COLEC10: variants seen among roughly 807,000 people sequenced by gnomAD.
COLEC10 encodes the protein collectin subfamily member 10.
In COLEC10, 22 loss-of-function variants were observed where a neutral mutation model predicts 28.4. The observed-to-expected ratio is 0.78, with a 90% CI of 0.55 to 1.11. The LOEUF is 1.11. Among genes scored for constraint, COLEC10 ranks in the 50% least tolerant of loss-of-function variants. COLEC10 has a pLI of 0.00. For missense variants in COLEC10, 361 were observed against 344.1 expected, an observed-to-expected ratio of 1.05 and a Z score of -0.39; for synonymous variants, 125 against 116.1, an observed-to-expected ratio of 1.08 and a Z score of -0.49.
chr8:119,100,662 C>G (rs1815808106), intron 3 of COLEC10, among the ~76,000 whole-genome samples: 2 of 152,170 alleles, frequency 1.3e-5, no homozygotes, highest in South Asian at 4.1e-4. Context: ...CTAAACTTTC[C>G]TTTACCCTTC....
chr8:119,064,756 A>T (rs1814922038), upstream of COLEC10, among the ~76,000 whole-genome samples: 1 of 152,170 alleles, frequency 6.6e-6, no homozygotes, highest in Non-Finnish European at 1.5e-5. Context: ...TGGAAACCAA[A>T]TAGTATTTTA....
intron 2 of COLEC10, among the ~76,000 whole-genome samples, chr8:119,053,333 T>G (rs1055425898): frequency 1.3e-5 from 2 of 152,070 alleles, no homozygotes; most frequent in Non-Finnish European, 2.9e-5. Context: ...CTCAGCAATC[T>G]TAGTAAGGGC....
the COLEC10 span, among the ~76,000 whole-genome samples, chr8:118,964,315 A>T: frequency 6.6e-6 from 1 of 152,170 alleles, no homozygotes; most frequent in South Asian, 2.1e-4. Context: ...CAAGATTACA[A>T]ATATATCGAT....
At chr8:119,002,229 T>C (rs1009302142) in intron 1 of COLEC10, among the ~76,000 whole-genome samples, 18 of 152,164 alleles carry the variant, frequency 1.2e-4, no homozygotes, top group African/African-American at 4.3e-4. Context: ...AACTTTCATT[T>C]AAAATATGCT....
At chr8:118,985,394 T>G in the COLEC10 span, among the ~76,000 whole-genome samples, 2 of 152,088 alleles carry the variant, frequency 1.3e-5, no homozygotes, top group African/African-American at 4.8e-5. Flanking sequence ...TCTGAGAAAT[T>G]TCATAATTTT....
chr8:118,988,793 G>T, the COLEC10 span, among the ~76,000 whole-genome samples: 9 of 152,248 alleles, frequency 5.9e-5, no homozygotes, highest in Middle Eastern at 3.4e-3. Flanking sequence ...AACTCTAGAG[G>T]AATTAGAAAC....
chr8:118,989,353 A>T, the COLEC10 span, among the ~76,000 whole-genome samples: 1 of 152,132 alleles, frequency 6.6e-6, no homozygotes, highest in Admixed American at 6.6e-5. Context: ...AATCCAAACT[A>T]TGTGACAATA....
chr8:119,038,037 T>G (rs1186666169), intron 2 of COLEC10, among the ~76,000 whole-genome samples: 1 of 152,242 alleles, frequency 6.6e-6, no homozygotes, highest in East Asian at 1.9e-4. Context: ...AGTTCAACAT[T>G]CTTCTTTCCT....
chr8:119,066,178 A>G (rs1814951978), upstream of COLEC10, among the ~76,000 whole-genome samples: 1 of 152,204 alleles, frequency 6.6e-6, no homozygotes, highest in African/African-American at 2.4e-5. Flanking sequence ...TCCAATTTCA[A>G]GGAAAGCAGG....
chr8:119,068,924 T>C (rs1296896776), intron 1 of COLEC10: 1 of 151,792 alleles, frequency 6.6e-6, no homozygotes, highest in Non-Finnish European at 1.5e-5. Context: ...CAAATTTTAT[T>C]TTTAATAAAA....
At chr8:119,073,239 T>C (rs1177550518) in intron 1 of COLEC10, among the ~76,000 whole-genome samples, 1 of 152,226 alleles carries the variant, frequency 6.6e-6, no homozygotes, top group African/African-American at 2.4e-5. Context: ...GGAGCAGGCA[T>C]TGTTCCATTC....
At chr8:119,102,709 A>G in intron 4 of COLEC10, 1 of 279,190 alleles carries the variant, frequency 3.6e-6, no homozygotes, top group Non-Finnish European at 6.7e-6. Flanking sequence ...GCCCTGCCTC[A>G]GCATGCCATG....
chr8:119,056,622 T>G (rs1814766001), intron 2 of COLEC10, among the ~76,000 whole-genome samples: 1 of 151,372 alleles, frequency 6.6e-6, no homozygotes, highest in South Asian at 2.1e-4. Context: ...TATTCCTTAT[T>G]ATCTGAACAA....
At chr8:119,101,056 C>T (rs2465390) in intron 3 of COLEC10, among the ~76,000 whole-genome samples, 61,485 of 151,990 alleles carry the variant, frequency 0.4, 12,872 homozygotes, top group Non-Finnish European at 0.47. Context: ...GTGTCCTCAG[C>T]GCATGCAACA....
chr8:118,963,768 AG>A, the COLEC10 span, among the ~76,000 whole-genome samples: 35 of 152,018 alleles, frequency 2.3e-4, no homozygotes, highest in Non-Finnish European at 2.9e-5. Context: ...AAGCTCCAAG[AG>A]GTTAGGGCTT....
intron 1 of COLEC10, among the ~76,000 whole-genome samples, chr8:119,069,629 A>AAAAAAAATATATATATATAT (rs1554627284): frequency 9.3e-5 from 4 of 42,854 alleles, no homozygotes; most frequent in Non-Finnish European, 1.3e-4. Context: ...AAAAAAAAAA[A>AAAAAAAATATATATATATAT]ATATATATAT....
the COLEC10 span, among the ~76,000 whole-genome samples, chr8:118,957,781 C>T: frequency 6.6e-6 from 1 of 152,084 alleles, no homozygotes; most frequent in Non-Finnish European, 1.5e-5. Context: ...ACCTCACATA[C>T]CCATAATCTC....
chr8:119,049,453 C>A (rs149851465), intron 2 of COLEC10, among the ~76,000 whole-genome samples: 5,455 of 115,992 alleles, frequency 0.047, 151 homozygotes, highest in East Asian at 0.19. Flanking sequence ...CTCGCTCCAT[C>A]GCCTAGGCTG....
At chr8:118,999,529 T>G (rs1813651620) in intron 1 of COLEC10, among the ~76,000 whole-genome samples, 1 of 151,016 alleles carries the variant, frequency 6.6e-6, no homozygotes, top group Non-Finnish European at 1.5e-5. Flanking sequence ...AGGCGGAGGT[T>G]GCAGTGAGCC....
Sources: allele counts gnomAD v4.1 joint callset (sites outside exome capture counted in the v4.1 genomes callset), GRCh38; gene constraint gnomAD v4.1.1; transcripts MANE v1.5; gene names NCBI Gene and HGNC (gene_info 2026-07-23, HGNC 2026-07-21).